HAP1: variants seen among roughly 807,000 people sequenced by gnomAD.
HAP1 encodes huntingtin associated protein 1.
HAP1 carries 59 observed loss-of-function variants against 60.3 expected under a neutral mutation model. The ratio of observed to expected loss-of-function variants is 0.98; its 90% CI spans 0.79 to 1.22. The LOEUF (loss-of-function observed/expected upper bound fraction) is 1.22. Among genes scored for constraint, HAP1 ranks in the 50% most tolerant of loss-of-function variants. The pLI, the probability that HAP1 is intolerant of heterozygous loss-of-function variation, is 0.00. For missense variants in HAP1, 825 were observed against 785.3 expected, an observed-to-expected ratio of 1.05 and a Z score of -0.60; for synonymous variants, 346 against 330.6, an observed-to-expected ratio of 1.05 and a Z score of -0.50.
rs1912271080 is a variant in HAP1 at position 41,732,242 on chromosome 17, T to C, written c.702A>G (p.Ser234=). Residue 234 remains serine (S), a synonymous_variant, in exon 3 of 11, where the codon TCA becomes TCG. Coordinates refer to ENST00000347901, the MANE Select transcript of HAP1 (RefSeq NM_177977.3). The stretch of plus-strand genomic sequence containing the variant: ...CCCACCCGGTTACCTCCTCCTTGGC[T>C]GAGCCCAGCAGGGCTTCCAGCTTGC... ...ENSKLEALLG[S]AKEEILYLRH... 1 of 1,614,024 alleles carries C rather than the reference T, an allele frequency of 6.2e-7. No individual in the cohort carries two copies.
At chr17:41,722,245 G>C (rs557395077), downstream of HAP1, 1 of 152,414 alleles carries the variant, frequency 6.6e-6, no homozygotes. Context: ...TACGGAGGGC[G>C]ACTATACTTG....
At position 41,731,489 on chromosome 17, in the gene HAP1, G is replaced by A. The variant is rs370015383; in HGVS notation, c.1069+4C>T. On this transcript the variant is annotated splice_donor_region_variant and intron_variant, in intron 6 of 10. Transcript: ENST00000347901. ...CCCCCACCCCGAGTGACAACATTAC[G>A]TACAAAACTGCTCCACACACTCCAG... The A allele has an allele frequency of 2.8e-5, 45 of 1,597,608 alleles. No individual in the cohort carries two copies. Among genetic ancestry groups the A allele is most frequent in the Middle Eastern group, 1.7e-4 (1 of 6,050 alleles).
At chr17:41,732,916 G>T in intron 1 of HAP1, 118 bp from the exon 2 acceptor site, 2 of 699,952 alleles carry the variant, frequency 2.9e-6, no homozygotes, top group Non-Finnish European at 2.7e-6. Flanking sequence ...GGGTCATCGG[G>T]AGAGAAGACT....
intron 8 of HAP1, 167 bp from the exon 9 acceptor site, chr17:41,727,311 T>TA (rs781913774): frequency 2.6e-6 from 2 of 780,890 alleles, no homozygotes; most frequent in South Asian, 2.7e-5. Flanking sequence ...AGGCACGCTG[T>TA]ATGGGTAATG....
rs782693741 is a variant in HAP1, at chr17:41,727,034, G to C, written c.1367+19C>G. The C allele has an allele frequency of 4.5e-6, 6 of 1,330,302 alleles. No individual in the cohort carries two copies. The South Asian group carries it at 7.5e-5, about 17-fold the overall frequency. 82.4% of individuals were successfully genotyped at this position (1,330,302 alleles called of 1,614,324 possible). ...AAAGGCCATGGCCTATGGGGCAAGG[G>C]AGGGCCCCAGCCACGCACCTCTCCA... On this transcript the variant is annotated intron_variant, in intron 9 of 10. Transcript: ENST00000347901.
chr17:41,722,276 TCTGCTC>T (rs1555587262), downstream of HAP1: 2 of 152,328 alleles, frequency 1.3e-5, no homozygotes, highest in African/African-American at 4.8e-5. Context: ...CTGTTCCAGG[TCTGCTC>T]TGGGGACTTC....
chr17:41,718,966 AT>A (rs1449770763), downstream of HAP1, among the ~76,000 whole-genome samples: 3 of 151,948 alleles, frequency 2.0e-5, no homozygotes, highest in African/African-American at 7.3e-5. Flanking sequence ...AGTAACTTAT[AT>A]TTTTTTATTT....
chr17:41,726,916 G>T, intron 9 of HAP1, 137 bp downstream of exon 9: 1 of 601,800 alleles, frequency 1.7e-6, no homozygotes. Flanking sequence ...TCATAGAGAA[G>T]CAATGAGTGG....
intron 6 of HAP1, chr17:41,730,263 C>T (rs1555590459): frequency 1.3e-5 from 2 of 151,392 alleles, no homozygotes. Context: ...CCTCCTCAGG[C>T]AACCCAGTGG....
chr17:41,718,487 C>A (rs1259387860), downstream of HAP1, among the ~76,000 whole-genome samples: 2 of 152,046 alleles, frequency 1.3e-5, no homozygotes, highest in African/African-American at 4.8e-5. Flanking sequence ...GTGCCAGCTG[C>A]AGAACAAGGG....
chr17:41,725,259 TC>T, intron 10 of HAP1, 105 bp from the exon 11 acceptor site: 1 of 970,928 alleles, frequency 1.0e-6, no homozygotes, highest in Non-Finnish European at 1.5e-6. Flanking sequence ...CCTGGTTCTG[TC>T]CCAGCCAGGG....
chr17:41,724,722 G>C lies in HAP1; in HGVS notation c.1839C>G (p.Ser613Arg), dbSNP rs374305699. 1 of 1,594,340 alleles carries C rather than the reference G, an allele frequency of 6.3e-7. No homozygotes were observed. Among genetic ancestry groups the C allele is most frequent in the South Asian group, 1.1e-5 (1 of 90,434 alleles). ...HGALPAASRT[S>R]CRSSCR Reference sequence around the variant, plus strand: ...CTTTTCATCGGCACGACGATCTGCAGCTTGTCCGGCTGGCGGCAGGGAGGG... The same window carrying C: ...CTTTTCATCGGCACGACGATCTGCACCTTGTCCGGCTGGCGGCAGGGAGGG... The change falls in exon 11 of 11, where the codon AGC becomes AGG. Residue 613 changes from serine to arginine, a missense_variant. Coordinates refer to ENST00000347901, the MANE Select transcript of HAP1 (RefSeq NM_177977.3).
Position 41,727,151 on chromosome 17 carries a change from TGGAGAGAACAGACGTTACCAGA to T in HAP1, c.1276-29_1276-8del, listed in dbSNP as rs781830381. The T allele has an allele frequency of 6.6e-6, 10 of 1,509,154 alleles. No individual in the cohort carries two copies. The highest frequency in any genetic ancestry group is 9.2e-6 in the Non-Finnish European group (10 of 1,085,178). The allele number at this position is 1,509,154 out of a possible 1,614,324, so 93.5% of individuals were successfully genotyped here. ...GGAAACCAGGAAGAGTCTCCTATGGTGGAGAGAACAGACGTTACCAGAGGACCCCCACAGAACCCCCACCCAT... is the reference window on the plus strand; with the variant it reads ...GGAAACCAGGAAGAGTCTCCTATGGTGGACCCCCACAGAACCCCCACCCAT... On this transcript the variant is annotated splice_region_variant and splice_polypyrimidine_tract_variant and intron_variant, in intron 8 of 10. Transcript: ENST00000347901.
In HAP1 at chr17:41,727,849, AAAAC is replaced by A. The variant is rs1911796493; in HGVS notation, c.1201-17_1201-14del. 6.5e-7 allele frequency: 1 copy of A among 1,532,984 alleles called. No homozygotes were observed. The highest frequency in any genetic ancestry group is 1.4e-5 in the African/African-American group (1 of 73,798). The allele number at this position is 1,532,984 out of a possible 1,614,324, so 95.0% of individuals were successfully genotyped here. On this transcript the variant is annotated splice_polypyrimidine_tract_variant and intron_variant, in intron 7 of 10. Transcript: ENST00000347901. ...TCTCAGCCCCATACTGGAAGGACCC[AAAAC>A]CAGTGAACCCCCATCTGAGGCCTAC...
At chr17:41,720,837 T>C (rs1012707376), downstream of HAP1, 6 of 152,040 alleles carry the variant, frequency 3.9e-5, no homozygotes, top group African/African-American at 1.4e-4. Flanking sequence ...TTCACTCTTA[T>C]TGCCCAGGCT....
At chr17:41,719,380 G>T (rs1391271626), downstream of HAP1, among the ~76,000 whole-genome samples, 5 of 152,144 alleles carry the variant, frequency 3.3e-5, no homozygotes, top group African/African-American at 1.2e-4. Context: ...CACCATCATT[G>T]CCAGAAATAC....
rs782193094 is a variant in HAP1 at position 41,727,815 on chromosome 17, ACTTTT to A, written c.1217_1221del (p.Glu406ValfsTer30). 2.5e-6 allele frequency: 4 copies of A among 1,609,368 alleles called. No homozygotes were observed. Among genetic ancestry groups the A allele is most frequent in the Non-Finnish European group, 2.6e-6 (3 of 1,176,172 alleles). On this transcript the variant is annotated frameshift_variant, in exon 8 of 11. Coordinates refer to ENST00000347901, the MANE Select transcript of HAP1 (RefSeq NM_177977.3). LOFTEE classifies it high-confidence loss of function. ...TTCTCCGAAGCCAGCTGCTTCTGCA[ACTTTT>A]CAGTCTCAGCCCCATACTGGAAGGA...
chr17:41,730,429 T>A (rs1488969490), intron 6 of HAP1: 1 of 152,040 alleles, frequency 6.6e-6, no homozygotes, highest in African/African-American at 2.4e-5. Context: ...AGAAAACTCA[T>A]TAAGGCTGTG....
rs1555589576 is a variant in HAP1, at chr17:41,728,308, C to T, written c.1093G>A (p.Glu365Lys). ...CTGAGCACCAGCACCTCCGACAGCT[C>T]AGCCATCTGTTGGCTGGCCTCCGCT... is the stretch of plus-strand genomic sequence containing the variant. ...QFSEASQQMAELSEVLVLRLE... is the reference protein window; with the variant it reads ...QFSEASQQMAKLSEVLVLRLE... Residue 365 changes from glutamate (E) to lysine (K), a missense_variant, in exon 7 of 11, where the codon GAG becomes AAG. By Grantham distance (56) the Glu-to-Lys change is moderately conservative. Coordinates refer to ENST00000347901, the MANE Select transcript of HAP1 (RefSeq NM_177977.3). 2 of 1,613,602 alleles carry T rather than the reference C, an allele frequency of 1.2e-6. No individual in the cohort carries two copies. The highest frequency in any genetic ancestry group is 1.3e-5 in the African/African-American group (1 of 75,072).
Sources: gnomAD v4.1 joint callset for allele counts (sites outside exome capture counted in the v4.1 genomes callset) on GRCh38, gnomAD v4.1.1 for gene constraint, MANE v1.5 for transcripts, NCBI Gene and HGNC (gene_info 2026-07-23, HGNC 2026-07-21) for gene names.